The following FARP1 variants were observed in gnomAD, a reference collection of about 807,000 sequenced individuals.
The protein encoded by FARP1 is FERM, ARH/RhoGEF and pleckstrin domain protein 1.
FARP1 carries 52 observed loss-of-function variants against 128.8 expected under a neutral mutation model. That is an observed-to-expected ratio of 0.40 (90% CI 0.32 to 0.51). The LOEUF (loss-of-function observed/expected upper bound fraction) is 0.51. FARP1 is among the 20% of genes least tolerant of loss of function. The pLI is 0.45. For synonymous variants in FARP1, 580 were observed against 551.8 expected, an observed-to-expected ratio of 1.05 and a Z score of -0.72; for missense variants, 1,333 against 1,367.9, an observed-to-expected ratio of 0.97 and a Z score of 0.40.
At chr13:98,246,255 C>T (rs2139469979) in intron 2 of FARP1, among the ~76,000 whole-genome samples, 1 of 150,318 alleles carries the variant, frequency 6.7e-6, no homozygotes, top group African/African-American at 2.4e-5. Flanking sequence ...GCCACCTCGC[C>T]CGGCTAATTT....
At chr13:98,279,042 G>A (rs1411988369) in intron 2 of FARP1, among the ~76,000 whole-genome samples, 3 of 144,404 alleles carry the variant, frequency 2.1e-5, no homozygotes, top group African/African-American at 5.3e-5. Flanking sequence ...TCACTGTGTT[G>A]GCCAGGATGG....
At chr13:98,417,497 G>A (rs898389919) in intron 16 of FARP1, among the ~76,000 whole-genome samples, 4 of 147,242 alleles carry the variant, frequency 2.7e-5, no homozygotes, top group African/African-American at 1.1e-4. Flanking sequence ...ACACATGGGG[G>A]TGGAGGGTCC....
intron 1 of FARP1, among the ~76,000 whole-genome samples, chr13:98,175,378 C>A (rs1877929859): frequency 6.6e-6 from 1 of 152,034 alleles, no homozygotes; most frequent in Non-Finnish European, 1.5e-5. Context: ...CGTGGATATT[C>A]TTCTGTCAAC....
chr13:98,179,625 G>A (rs1288885580), intron 1 of FARP1, among the ~76,000 whole-genome samples: 2 of 152,098 alleles, frequency 1.3e-5, no homozygotes, highest in African/African-American at 4.8e-5. Context: ...AGCACTTTGG[G>A]AGGCTGAGGC....
At chr13:98,305,740 T>G (rs993230315) in intron 2 of FARP1, among the ~76,000 whole-genome samples, 3 of 152,206 alleles carry the variant, frequency 2.0e-5, no homozygotes, top group Non-Finnish European at 4.4e-5. Context: ...TCACTAAGCT[T>G]CTCTGGCTGC....
chr13:98,241,183 G>A (rs1484811705), intron 2 of FARP1, among the ~76,000 whole-genome samples: 1 of 152,242 alleles, frequency 6.6e-6, no homozygotes, highest in East Asian at 1.9e-4. Flanking sequence ...GTTTCTGCCA[G>A]AGGTGAGGTC....
intron 2 of FARP1, among the ~76,000 whole-genome samples, chr13:98,237,825 AT>A (rs923542489): frequency 1.1e-4 from 16 of 150,012 alleles, no homozygotes; most frequent in Admixed American, 2.7e-4. Context: ...CATAAGGACC[AT>A]TTTTTTTTTA....
chr13:98,275,497 T>C (rs1257517688), intron 2 of FARP1, among the ~76,000 whole-genome samples: 2 of 151,916 alleles, frequency 1.3e-5, no homozygotes, highest in South Asian at 4.1e-4. Context: ...GAATTTTTAA[T>C]AGGTTTAATT....
chr13:98,156,482 C>T (rs1236679141), intron 1 of FARP1, among the ~76,000 whole-genome samples: 1 of 152,232 alleles, frequency 6.6e-6, no homozygotes, highest in Non-Finnish European at 1.5e-5. Flanking sequence ...AATCATAGCT[C>T]ATTGCAGCCT....
rs139264851 is a variant in FARP1, at chr13:98,293,027, G to A, written c.172-50735G>A. The stretch of plus-strand genomic sequence containing the variant: ...AAATAAAATGTAGGAAAGAAAGGGG[G>A]AAGCAGAGGTGGAGTGAATTTTGAA... On this transcript the variant is annotated intron_variant, in intron 2 of 26. Coordinates refer to ENST00000319562, the MANE Select transcript of FARP1 (RefSeq NM_005766.4). 1.8e-3 allele frequency among the ~76,000 whole-genome samples: 268 copies of A among 152,190 alleles called. 2 individuals are homozygous for A. The highest frequency in any genetic ancestry group is 5.4e-3 in the African/African-American group (225 of 41,520).
At chr13:98,201,686 T>C (rs978312148) in intron 1 of FARP1, among the ~76,000 whole-genome samples, 3 of 152,240 alleles carry the variant, frequency 2.0e-5, no homozygotes, top group Admixed American at 2.0e-4. Context: ...ATGATAAAGA[T>C]GAGAAAATTT....
In FARP1 at chr13:98,440,725, C is replaced by T; in HGVS notation, c.2685C>T (p.Ala895=). ...ADQESEDDLS[A]SRTSLERQAP... is the part of the protein sequence containing the mutation. The stretch of plus-strand genomic sequence containing the variant: ...AGGAGTCAGAGGATGACCTGAGCGC[C>T]TCGCGCACATCGCTGGAGCGCCAGG... Residue 895 remains alanine, a synonymous_variant, in exon 24 of 27, where the codon GCC becomes GCT. Transcript: ENST00000319562. 1 of 1,613,546 alleles carries T rather than the reference C, an allele frequency of 6.2e-7. No individual in the cohort carries two copies. Among genetic ancestry groups the T allele is most frequent in the East Asian group, 2.2e-5 (1 of 44,878 alleles).
intron 1 of FARP1, among the ~76,000 whole-genome samples, chr13:98,180,690 GTC>G (rs1481149785): frequency 1.3e-5 from 2 of 152,096 alleles, no homozygotes; most frequent in African/African-American, 4.8e-5. Flanking sequence ...TTTCTCTGGT[GTC>G]TCTTTCTTCT....
chr13:98,358,932 C>T lies in FARP1; in HGVS notation c.277-6463C>T, dbSNP rs118171874. Reference sequence around the variant, plus strand: ...AATTACAGACGTGAGGCACCGCGCACGGCTCTTTCTTTTTCTTTTAGGAGT... The same window carrying T: ...AATTACAGACGTGAGGCACCGCGCATGGCTCTTTCTTTTTCTTTTAGGAGT... On this transcript the variant is annotated intron_variant, in intron 3 of 26. Coordinates refer to ENST00000319562, the MANE Select transcript of FARP1 (RefSeq NM_005766.4). Among the ~76,000 whole-genome samples, 15 of 152,258 alleles carry T rather than the reference C, an allele frequency of 9.9e-5. No individual in the cohort carries two copies. The South Asian group carries it at 1.7e-3, about 17-fold the overall frequency.
At chr13:98,367,133 A>AGATGATGATGAT (rs111823714) in intron 4 of FARP1, among the ~76,000 whole-genome samples, 19 of 148,590 alleles carry the variant, frequency 1.3e-4, no homozygotes, top group African/African-American at 3.0e-4. Context: ...TGCAAATCAC[A>AGATGATGATGAT]GATGATGATG....
chr13:98,361,360 T>A (rs1375185269), intron 3 of FARP1, among the ~76,000 whole-genome samples: 1 of 152,208 alleles, frequency 6.6e-6, no homozygotes. Context: ...AACCACATGC[T>A]CCCTTGGCTC....
chr13:98,418,754 T>C (rs1891482058), intron 16 of FARP1, among the ~76,000 whole-genome samples: 1 of 152,200 alleles, frequency 6.6e-6, no homozygotes. Flanking sequence ...GAGAAAGCCC[T>C]CTCCGGGTCA....
At chr13:98,429,176 A>G (rs551630109) in intron 17 of FARP1, among the ~76,000 whole-genome samples, 1 of 152,338 alleles carries the variant, frequency 6.6e-6, no homozygotes, top group Admixed American at 6.5e-5. Context: ...GCGGTTGTGG[A>G]AAGACACAGC....
chr13:98,239,651 T>C (rs1346795667), intron 2 of FARP1, among the ~76,000 whole-genome samples: 5 of 152,032 alleles, frequency 3.3e-5, no homozygotes, highest in African/African-American at 1.2e-4. Flanking sequence ...AGGCACCAAG[T>C]GGCCTGGGGG....
Sources: gnomAD v4.1 joint callset for allele counts (sites outside exome capture counted in the v4.1 genomes callset) on GRCh38, gnomAD v4.1.1 for gene constraint, MANE v1.5 for transcripts, NCBI Gene and HGNC (gene_info 2026-07-23, HGNC 2026-07-21) for gene names.